Variants in CDK7 observed in about 807,000 individuals in gnomAD.
CDK7 encodes cyclin dependent kinase 7, also known as cyclin-dependent kinase 7.
In CDK7, 25 loss-of-function variants were observed where a neutral mutation model predicts 49.1. That is an observed-to-expected ratio of 0.51 (90% CI 0.37 to 0.71). The LOEUF (loss-of-function observed/expected upper bound fraction) is 0.71. Among genes scored for constraint, CDK7 ranks in the 30% least tolerant of loss-of-function variants. CDK7 has a pLI of 0.00. For missense variants in CDK7, 316 were observed against 411.7 expected, an observed-to-expected ratio of 0.77 and a Z score of 2.01; for synonymous variants, 107 against 140.0, an observed-to-expected ratio of 0.76 and a Z score of 1.67.
chr5:69,277,200 A>G lies in CDK7; in HGVS notation c.*65A>G. On this transcript the variant is annotated 3_prime_UTR_variant, in exon 12 of 12. Transcript: ENST00000256443. Reference sequence around the variant, plus strand: ...CCAAAAAGGCAAATAATGGAAAAATAGTAAACATTAAGTAAATGCTGTAGA... The same window carrying G: ...CCAAAAAGGCAAATAATGGAAAAATGGTAAACATTAAGTAAATGCTGTAGA... The G allele has an allele frequency of 8.3e-7, 1 of 1,204,114 alleles. No homozygotes were observed. The highest frequency in any genetic ancestry group is 1.5e-5 in the South Asian group (1 of 68,350). The allele number at this position is 1,204,114 out of a possible 1,614,324, so 74.6% of individuals were successfully genotyped here.
At chr5:69,270,798 A>C (rs897495922) in intron 9 of CDK7, among the ~76,000 whole-genome samples, 9 of 152,170 alleles carry the variant, frequency 5.9e-5, no homozygotes, top group Non-Finnish European at 1.3e-4. Context: ...GCATGTTAAT[A>C]ATTCATTCTC....
intron 2 of CDK7, among the ~76,000 whole-genome samples, chr5:69,247,170 C>T (rs1359861923): frequency 6.6e-6 from 1 of 152,170 alleles, no homozygotes; most frequent in Non-Finnish European, 1.5e-5. Flanking sequence ...CTGCATTGAT[C>T]TGTCCAATGG....
At chr5:69,270,869 T>C (rs1017869962) in intron 9 of CDK7, among the ~76,000 whole-genome samples, 7 of 152,230 alleles carry the variant, frequency 4.6e-5, no homozygotes, top group Non-Finnish European at 7.3e-5. Context: ...CGTTCACCCA[T>C]TGAAGGACAT....
At chr5:69,266,831 G>A (rs1751188566) in intron 8 of CDK7, among the ~76,000 whole-genome samples, 1 of 152,152 alleles carries the variant, frequency 6.6e-6, no homozygotes, top group Non-Finnish European at 1.5e-5. Context: ...AGGAGTTGGT[G>A]GCGGAGGGCT....
intron 2 of CDK7, among the ~76,000 whole-genome samples, chr5:69,238,766 T>C (rs1006503499): frequency 1.3e-5 from 2 of 151,692 alleles, no homozygotes; most frequent in Non-Finnish European, 2.9e-5. Context: ...CAAGCAGTTC[T>C]CCTGCCGCAG....
intron 2 of CDK7, among the ~76,000 whole-genome samples, chr5:69,245,237 T>C (rs1478376745): frequency 6.6e-6 from 1 of 151,858 alleles, no homozygotes; most frequent in Non-Finnish European, 1.5e-5. Context: ...TGGAATAGTT[T>C]GAGTAGTATT....
chr5:69,237,175 A>G (rs1317860585), intron 2 of CDK7, among the ~76,000 whole-genome samples: 1 of 151,772 alleles, frequency 6.6e-6, no homozygotes, highest in Non-Finnish European at 1.5e-5. Flanking sequence ...GCCATAGCTC[A>G]CTGCAGCCAC....
rs140850799 is a variant in CDK7, at chr5:69,273,868, T to C, written c.864+827T>C. On this transcript the variant is annotated intron_variant, in intron 10 of 11. Transcript: ENST00000256443. ...CTTCTCTTTTTAGCAATGTGTGCTA[T>C]GTGAATATATATGGAGATGGATGGA... is the stretch of plus-strand genomic sequence containing the variant. Among the ~76,000 whole-genome samples, 300 of 152,302 alleles carry C rather than the reference T, an allele frequency of 2.0e-3. 6 individuals carry two copies. Among genetic ancestry groups the C allele is most frequent in the African/African-American group, 6.9e-3 (286 of 41,572 alleles).
Position 69,234,959 on chromosome 5 carries a change from G to C in CDK7, c.-17G>C. ...GAGCTCGCCCTTTTCGGCTGGAGTC[G>C]GGCTTTACGGCGCCGGATGGCTCTG... On this transcript the variant is annotated 5_prime_UTR_variant, in exon 1 of 12. Coordinates refer to ENST00000256443, the MANE Select transcript of CDK7 (RefSeq NM_001799.4). The C allele has an allele frequency of 6.3e-7, 1 of 1,585,746 alleles. No individual in the cohort carries two copies. Among genetic ancestry groups the C allele is most frequent in the South Asian group, 1.1e-5 (1 of 86,964 alleles).
rs1752249183 is a variant in CDK7 at position 69,277,291 on chromosome 5, A to AT, written c.*160dup. ...ACTATGGGTTATTTTTATTAAATGT[A>AT]TTTTAAAATAAAAATTTAATTCTGG... On this transcript the variant is annotated 3_prime_UTR_variant, in exon 12 of 12. Coordinates refer to ENST00000256443, the MANE Select transcript of CDK7 (RefSeq NM_001799.4). The AT allele has an allele frequency of 1.1e-5, 5 of 455,064 alleles. No individual in the cohort carries two copies. Among genetic ancestry groups the AT allele is most frequent in the Middle Eastern group, 1.2e-3 (2 of 1,660 alleles). 28.2% of individuals were successfully genotyped at this position (455,064 alleles called of 1,614,324 possible). A position where few individuals can be genotyped will look rare whatever the true frequency, so the allele number is the denominator to read the frequency against.
chr5:69,251,120 CAG>C (rs967247774), intron 2 of CDK7, among the ~76,000 whole-genome samples: 32 of 140,432 alleles, frequency 2.3e-4, no homozygotes, highest in Admixed American at 4.5e-4. Flanking sequence ...TTTTTCGAGA[CAG>C]AGTCTCGCTC....
At chr5:69,263,881 C>T (rs778249631) in intron 8 of CDK7, among the ~76,000 whole-genome samples, 34 of 152,194 alleles carry the variant, frequency 2.2e-4, no homozygotes, top group Non-Finnish European at 4.7e-4. Flanking sequence ...AACAATCATA[C>T]TTGGAAATTT....
intron 2 of CDK7, among the ~76,000 whole-genome samples, chr5:69,250,302 C>T (rs376000594): frequency 2.0e-5 from 3 of 152,106 alleles, no homozygotes; most frequent in African/African-American, 4.8e-5. Context: ...GGGGGTACCC[C>T]GAACCCAGTA....
At chr5:69,258,682 T>C (rs898447511) in intron 6 of CDK7, among the ~76,000 whole-genome samples, 3 of 152,060 alleles carry the variant, frequency 2.0e-5, no homozygotes, top group Non-Finnish European at 2.9e-5. Flanking sequence ...GCGCCCGGCC[T>C]CCTCATTTTT....
At chr5:69,266,397 T>C (rs901391108) in intron 8 of CDK7, among the ~76,000 whole-genome samples, 11 of 152,156 alleles carry the variant, frequency 7.2e-5, no homozygotes, top group African/African-American at 2.7e-4. Context: ...GAGACCAGCC[T>C]GGCCAACATG....
At chr5:69,248,653 G>T (rs188614573) in intron 2 of CDK7, among the ~76,000 whole-genome samples, 1 of 152,176 alleles carries the variant, frequency 6.6e-6, no homozygotes, top group African/African-American at 2.4e-5. Context: ...CTCCCAAAGT[G>T]CTGGAATTAC....
rs551803365 is a variant in CDK7 at position 69,241,873 on chromosome 5, T to A, written c.126+6420T>A. 8.5e-5 allele frequency among the ~76,000 whole-genome samples: 13 copies of A among 152,332 alleles called. No homozygotes were observed. In the East Asian group the frequency reaches 2.5e-3, roughly 29 times the overall value. ...CATTCTGTGGGTTTTCTCTTCACTG[T>A]GTTGTTTCCTTTGCTCTGCAGAAGC... On this transcript the variant is annotated intron_variant, in intron 2 of 11. Coordinates refer to ENST00000256443, the MANE Select transcript of CDK7 (RefSeq NM_001799.4).
intron 2 of CDK7, among the ~76,000 whole-genome samples, chr5:69,247,164 A>G (rs1749809620): frequency 6.6e-6 from 1 of 152,172 alleles, no homozygotes; most frequent in African/African-American, 2.4e-5. Flanking sequence ...GGTTTTCTGC[A>G]TTGATCTGTC....
In CDK7 at chr5:69,277,127, A is replaced by AT. The variant is rs767542729; in HGVS notation, c.1039dup (p.Ter347LeufsTer28). ...CCTAGGAGGATTGCCCAAGAAACTA[A>AT]TTTTTTAAAGAGAACACTGGACAAC... On this transcript the variant is annotated frameshift_variant, in exon 12 of 12. Transcript: ENST00000256443. LOFTEE classifies it high-confidence loss of function. The AT allele has an allele frequency of 6.3e-7, 1 of 1,599,690 alleles. No homozygotes were observed. Among genetic ancestry groups the AT allele is most frequent in the Non-Finnish European group, 8.5e-7 (1 of 1,174,660 alleles).
Sources: gnomAD v4.1 joint callset for allele counts (sites outside exome capture counted in the v4.1 genomes callset) on GRCh38, gnomAD v4.1.1 for gene constraint, MANE v1.5 for transcripts, NCBI Gene and HGNC (gene_info 2026-07-23, HGNC 2026-07-21) for gene names.